Variants in KDM4D observed in about 807,000 individuals in gnomAD.
The protein encoded by KDM4D is lysine demethylase 4D.
For missense variants in KDM4D, 427 were observed against 674.8 expected, an observed-to-expected ratio of 0.63 and a Z score of 4.07; for synonymous variants, 254 against 249.1, an observed-to-expected ratio of 1.02 and a Z score of -0.19.
At chr11:94,988,871 A>G (rs1347046051) in intron 2 of KDM4D, among the ~76,000 whole-genome samples, 1 of 152,186 alleles carries the variant, frequency 6.6e-6, no homozygotes, top group Non-Finnish European at 1.5e-5. Flanking sequence ...AGGATCTAAC[A>G]TAATAGAGAG....
intron 2 of KDM4D, among the ~76,000 whole-genome samples, chr11:94,995,644 T>A (rs1857969622): frequency 1.3e-5 from 2 of 152,170 alleles, no homozygotes; most frequent in African/African-American, 4.8e-5. Flanking sequence ...GGCACTCAGT[T>A]AAAAACTGCC....
At chr11:94,989,997 G>A (rs1482482808) in intron 2 of KDM4D, among the ~76,000 whole-genome samples, 2 of 152,074 alleles carry the variant, frequency 1.3e-5, no homozygotes, top group African/African-American at 4.8e-5. Flanking sequence ...CACCTCAGGT[G>A]TCCCACCCAC....
At chr11:94,990,360 T>C (rs10831296) in intron 2 of KDM4D, among the ~76,000 whole-genome samples, 34,529 of 151,970 alleles carry the variant, frequency 0.23, 4,966 homozygotes, top group East Asian at 0.68. Flanking sequence ...GAGCCTCAGA[T>C]TGGTCTGGAA....
chr11:94,999,394 C>T lies in KDM4D; in HGVS notation c.*450C>T, dbSNP rs1858008472. 1 of 168,050 alleles carries T rather than the reference C, an allele frequency of 6.0e-6. No homozygotes were observed. The highest frequency in any genetic ancestry group is 1.5e-5 in the Non-Finnish European group (1 of 68,904). The allele number at this position is 168,050 out of a possible 1,614,324, so 10.4% of individuals were successfully genotyped here. A position where few individuals can be genotyped will look rare whatever the true frequency, so the allele number is the denominator to read the frequency against. Reference sequence around the variant, plus strand: ...TTCTTATAAAACTAGGTTCTTTATACAGATAAGGTCAGTAGAGTTCCAGAA... The same window carrying T: ...TTCTTATAAAACTAGGTTCTTTATATAGATAAGGTCAGTAGAGTTCCAGAA... On this transcript the variant is annotated 3_prime_UTR_variant, in exon 3 of 3. Transcript: ENST00000335080.
At chr11:94,986,198 A>C (rs1555098104) in intron 2 of KDM4D, among the ~76,000 whole-genome samples, 1 of 152,240 alleles carries the variant, frequency 6.6e-6, no homozygotes, top group African/African-American at 2.4e-5. Context: ...GAATAAGCAA[A>C]GGATTTGAAT....
At chr11:94,989,752 C>CTTTTT (rs587676047) in intron 2 of KDM4D, among the ~76,000 whole-genome samples, 25 of 122,824 alleles carry the variant, frequency 2.0e-4, no homozygotes, top group East Asian at 7.1e-4. Flanking sequence ...CTCTCTCTTT[C>CTTTTT]TTTTTTTTTT....
chr11:94,996,769 C>T (rs1431530320), intron 2 of KDM4D, among the ~76,000 whole-genome samples: 1 of 152,172 alleles, frequency 6.6e-6, no homozygotes, highest in Non-Finnish European at 1.5e-5. Flanking sequence ...AGTTGGATCA[C>T]AGAACATATG....
In KDM4D at chr11:94,998,718, G is replaced by T. The variant is rs2134117711; in HGVS notation, c.1346G>T (p.Gly449Val). The T allele has an allele frequency of 6.2e-7, 1 of 1,614,102 alleles. No homozygotes were observed. The highest frequency in any genetic ancestry group is 1.1e-5 in the South Asian group (1 of 91,082). ...PSAQIIHPSN[G>V]RRGRGRPPQK... ...GCACAGATTATCCACCCGTCAAATGGCAGACGTGGTCGTGGTCGCCCTCCT... is the reference window on the plus strand; with the variant it reads ...GCACAGATTATCCACCCGTCAAATGTCAGACGTGGTCGTGGTCGCCCTCCT... The change falls in exon 3 of 3, where the codon GGC becomes GTC. Residue 449 changes from glycine (G) to valine (V), a missense_variant. Physicochemically the swap from Gly to Val is moderately radical, Grantham distance 109. Coordinates refer to ENST00000335080, the MANE Select transcript of KDM4D (RefSeq NM_018039.3). The surrounding 1 kb of genome is among the most constrained non-coding windows in gnomAD (Gnocchi z 6.7).
chr11:94,985,119 A>G (rs937908872), intron 2 of KDM4D, among the ~76,000 whole-genome samples: 4 of 152,214 alleles, frequency 2.6e-5, no homozygotes, highest in African/African-American at 9.7e-5. Flanking sequence ...TGCCAGGGTA[A>G]TTAGGCACGA....
At position 94,997,423 on chromosome 11, in the gene KDM4D, C is replaced by A. The variant is rs1857984681; in HGVS notation, c.51C>A (p.Asn17Lys). 1.2e-6 allele frequency: 2 copies of A among 1,612,646 alleles called. No individual in the cohort carries two copies. Among genetic ancestry groups the A allele is most frequent in the South Asian group, 1.1e-5 (1 of 90,766 alleles). Reference protein sequence around the residue: ...KANCAQNPNCNIMIFHPTKEE... With the variant: ...KANCAQNPNCKIMIFHPTKEE... Reference sequence around the variant, plus strand: ...ACTGTGCCCAGAATCCAAATTGTAACATAATGATATTTCATCCAACCAAAG... The same window carrying A: ...ACTGTGCCCAGAATCCAAATTGTAAAATAATGATATTTCATCCAACCAAAG... Residue 17 changes from asparagine (N) to lysine (K), a missense_variant, in exon 3 of 3, where the codon AAC (asparagine) becomes AAA (lysine). Transcript: ENST00000335080.
At chr11:94,978,376 T>C (rs1857816223) in intron 2 of KDM4D, among the ~76,000 whole-genome samples, 1 of 152,238 alleles carries the variant, frequency 6.6e-6, no homozygotes, top group Non-Finnish European at 1.5e-5. Context: ...TACTTCAAAT[T>C]TTTAACCTGA....
chr11:94,995,916 CTT>C (rs1555099165), intron 2 of KDM4D, among the ~76,000 whole-genome samples: 3 of 152,160 alleles, frequency 2.0e-5, no homozygotes, highest in Non-Finnish European at 1.5e-5. Context: ...TTCTTCATCT[CTT>C]TTGAATGGCC....
At chr11:94,990,683 A>C (rs1188953396) in intron 2 of KDM4D, among the ~76,000 whole-genome samples, 1 of 152,236 alleles carries the variant, frequency 6.6e-6, no homozygotes, top group Non-Finnish European at 1.5e-5. Flanking sequence ...CAGATGGACA[A>C]GTGTAAACTG....
Position 94,983,272 on chromosome 11 carries a change from T to TA in KDM4D, c.-350+7538dup, listed in dbSNP as rs34326231. Among the ~76,000 whole-genome samples, 515 of 139,498 alleles carry TA rather than the reference T, an allele frequency of 3.7e-3. 4 individuals carry two copies. Among genetic ancestry groups the TA allele is most frequent in the Non-Finnish European group, 5.4e-3 (345 of 63,590 alleles). 91.5% of individuals were successfully genotyped at this position (139,498 alleles called of 152,430 possible). On this transcript the variant is annotated intron_variant, in intron 2 of 2. Coordinates refer to ENST00000335080, the MANE Select transcript of KDM4D (RefSeq NM_018039.3). ...AATGGTGGCAAACAACTGGATTTCT[T>TA]AAAAAAAAAAAAAAGTTCTGTTTCT...
chr11:94,998,909 A>G lies in KDM4D; in HGVS notation c.1537A>G (p.Lys513Glu). The G allele has an allele frequency of 6.6e-7, 1 of 1,514,028 alleles. No individual in the cohort carries two copies. Among genetic ancestry groups the G allele is most frequent in the Non-Finnish European group, 8.8e-7 (1 of 1,131,174 alleles). The allele number at this position is 1,514,028 out of a possible 1,614,324, so 93.8% of individuals were successfully genotyped here. ...PLSPGLQHPV[K>E]ASGCSWAPVP ...GAGCCCAGGGCTCCAGCATCCTGTC[A>G]AGGCTTCTGGGTGCAGCTGGGCCCC... The change falls in exon 3 of 3, where the codon AAG becomes GAG. Residue 513 changes from lysine to glutamate, a missense_variant. By Grantham distance (56) the Lys-to-Glu change is moderately conservative (BLOSUM62 1). Coordinates refer to ENST00000335080, the MANE Select transcript of KDM4D (RefSeq NM_018039.3). The surrounding 1 kb of genome is among the most constrained non-coding windows in gnomAD (Gnocchi z 6.7).
intron 2 of KDM4D, among the ~76,000 whole-genome samples, chr11:94,990,212 T>C (rs1455902638): frequency 2.6e-5 from 4 of 152,206 alleles, no homozygotes; most frequent in Admixed American, 2.6e-4. Context: ...AAGCTGCTTG[T>C]CAAGTAAGAC....
intron 2 of KDM4D, among the ~76,000 whole-genome samples, chr11:94,989,248 G>C (rs1857913376): frequency 6.6e-6 from 1 of 152,096 alleles, no homozygotes; most frequent in South Asian, 2.1e-4. Context: ...CTCTGGGAGA[G>C]TCCATGTAAG....
intron 2 of KDM4D, among the ~76,000 whole-genome samples, chr11:94,991,180 G>A (rs1310995502): frequency 1.3e-5 from 2 of 152,170 alleles, no homozygotes; most frequent in African/African-American, 4.8e-5. Flanking sequence ...ATCAGTGTTA[G>A]GAGTTCACCT....
chr11:94,982,532 T>C (rs1453509737), intron 2 of KDM4D, among the ~76,000 whole-genome samples: 1 of 118,476 alleles, frequency 8.4e-6, no homozygotes, highest in Non-Finnish European at 1.9e-5. Flanking sequence ...TACTTAAGAC[T>C]TCCCTATTTC....
Sources: gnomAD v4.1 joint callset for allele counts (sites outside exome capture counted in the v4.1 genomes callset) on GRCh38, gnomAD v4.1.1 for gene constraint, Gnocchi (gnomAD v3.1) non-coding constraint, MANE v1.5 for transcripts, NCBI Gene and HGNC (gene_info 2026-07-23, HGNC 2026-07-21) for gene names.